LMNA: variants seen among roughly 807,000 people sequenced by gnomAD.
LMNA encodes the protein lamin A/C, also known as lamin.
LMNA carries 20 observed loss-of-function variants against 70.4 expected under a neutral mutation model. That is an observed-to-expected ratio of 0.28 (90% confidence interval 0.20 to 0.41). The LOEUF (loss-of-function observed/expected upper bound fraction) is 0.41. LMNA is among the 10% of genes least tolerant of loss of function. The pLI is 1.00. For synonymous variants in LMNA, 339 were observed against 372.8 expected, an observed-to-expected ratio of 0.91 and a Z score of 1.04; for missense variants, 652 against 917.2, an observed-to-expected ratio of 0.71 and a Z score of 3.73.
At chr1:156,127,509 GTTTTTTTTTTTTTTT>G (rs1170940332) in intron 1 of LMNA, among the ~76,000 whole-genome samples, 3 of 84,492 alleles carry the variant, frequency 3.6e-5, no homozygotes, top group Non-Finnish European at 6.8e-5. Context: ...CCCCCTTACT[GTTTTTTTTTTTTTTT>G]TTTTTTTTTT....
intron 2 of LMNA, among the ~76,000 whole-genome samples, chr1:156,087,273 T>G (rs1393198739): frequency 6.6e-6 from 1 of 151,538 alleles, no homozygotes. Flanking sequence ...GGACAGAGTC[T>G]TGCTCTGTCA....
At chr1:156,130,439 G>A (rs939964187) in intron 1 of LMNA, among the ~76,000 whole-genome samples, 178 bp from the exon 2 acceptor site, 2 of 149,782 alleles carry the variant, frequency 1.3e-5, no homozygotes, top group African/African-American at 5.0e-5. Flanking sequence ...GGACCTTGGG[G>A]AGGTGGGAGC....
intron 2 of LMNA, among the ~76,000 whole-genome samples, chr1:156,131,999 G>C (rs761468770): frequency 6.6e-6 from 1 of 152,140 alleles, no homozygotes; most frequent in Non-Finnish European, 1.5e-5. Flanking sequence ...GTTAAACTCC[G>C]TCTCTACTAA....
Position 156,136,673 on chromosome 1 carries a change from A to G in LMNA, c.1380+237A>G, listed in dbSNP as rs1651666954. 1 of 666,446 alleles carries G rather than the reference A, an allele frequency of 1.5e-6. No individual in the cohort carries two copies. Among genetic ancestry groups the G allele is most frequent in the Admixed American group, 2.2e-5 (1 of 45,660 alleles). The allele number at this position is 666,446 out of a possible 1,614,324, so 41.3% of individuals were successfully genotyped here. On this transcript the variant is annotated intron_variant, in intron 7 of 11. Coordinates refer to ENST00000368300, the MANE Select transcript of LMNA (RefSeq NM_170707.4). This position sits in a 1 kb window ranked among gnomAD's most constrained non-coding sequence, Gnocchi z 6.1. ...CAGTTTCCTCATCTGTAAAATGGGG[A>G]TGAATACTGATCCCTAAGTCTTTGA...
intron 2 of LMNA, 152 bp downstream of exon 2, chr1:156,130,925 G>A: frequency 2.7e-6 from 2 of 744,924 alleles, no homozygotes; most frequent in Non-Finnish European, 4.4e-6. Context: ...ACCCACTGAG[G>A]TCACATCTTA....
At chr1:156,098,766 G>A (rs538006495) in intron 3 of LMNA, among the ~76,000 whole-genome samples, 95 of 152,228 alleles carry the variant, frequency 6.2e-4, no homozygotes, top group African/African-American at 2.2e-3. Context: ...ATGTCTAGTG[G>A]GACTGAGATA....
At chr1:156,097,074 TGAG>T (rs1648964053) in intron 3 of LMNA, among the ~76,000 whole-genome samples, 1 of 152,128 alleles carries the variant, frequency 6.6e-6, no homozygotes, top group Non-Finnish European at 1.5e-5. Context: ...GCTATTCTCT[TGAG>T]GACATGAAAT....
chr1:156,139,818 G>T lies in LMNA; in HGVS notation c.*712G>T. Reference sequence around the variant, plus strand: ...AGGTGGAAGAAGGGAGAAGAAAGGTGAGTTTGAGCTGCCTTCCCTAGCTTT... The same window carrying T: ...AGGTGGAAGAAGGGAGAAGAAAGGTTAGTTTGAGCTGCCTTCCCTAGCTTT... On this transcript the variant is annotated 3_prime_UTR_variant, in exon 12 of 12. Coordinates refer to ENST00000368300, the MANE Select transcript of LMNA (RefSeq NM_170707.4). 6.5e-7 allele frequency: 1 copy of T among 1,529,962 alleles called. No individual in the cohort carries two copies. Among genetic ancestry groups the T allele is most frequent in the African/African-American group, 1.4e-5 (1 of 72,926 alleles). The allele number at this position is 1,529,962 out of a possible 1,614,324, so 94.8% of individuals were successfully genotyped here. A position where few individuals can be genotyped will look rare whatever the true frequency, so the allele number is the denominator to read the frequency against.
At chr1:156,131,846 A>C (rs1161893164) in intron 2 of LMNA, among the ~76,000 whole-genome samples, 3 of 152,176 alleles carry the variant, frequency 2.0e-5, no homozygotes, top group Non-Finnish European at 4.4e-5. Context: ...TTTACTTTCA[A>C]AACACTCTTC....
chr1:156,111,362 G>C (rs1649533595), upstream of LMNA, among the ~76,000 whole-genome samples: 1 of 150,972 alleles, frequency 6.6e-6, no homozygotes, highest in East Asian at 2.0e-4. Context: ...GGCAGGAGAA[G>C]CGCTTGAACC....
At chr1:156,098,708 G>A (rs1217919758) in intron 3 of LMNA, among the ~76,000 whole-genome samples, 2 of 152,154 alleles carry the variant, frequency 1.3e-5, no homozygotes, top group African/African-American at 2.4e-5. Context: ...GAGTACTTGT[G>A]AACTGTGGGG....
chr1:156,108,145 A>C (rs1649418005), intron 3 of LMNA, among the ~76,000 whole-genome samples: 2 of 152,042 alleles, frequency 1.3e-5, no homozygotes, highest in South Asian at 4.1e-4. Context: ...AAATGGGATC[A>C]CCTCCATATA....
rs369480840 is a variant in LMNA at position 156,125,425 on chromosome 1, C to T, written c.357-5192C>T. Among the ~76,000 whole-genome samples the T allele has an allele frequency of 2.7e-4, 41 of 152,202 alleles. No homozygotes were observed. The East Asian group carries it at 7.5e-3, about 28-fold the overall frequency. On this transcript the variant is annotated intron_variant, in intron 1 of 11. Coordinates refer to ENST00000368300, the MANE Select transcript of LMNA (RefSeq NM_170707.4). ...AGGAGGGGCTGGGTGTGGTGGCTCA[C>T]GCCTGTAATCCCAGGACTTTGGGAG...
chr1:156,092,879 T>C (rs959409630), intron 3 of LMNA, among the ~76,000 whole-genome samples: 1 of 150,566 alleles, frequency 6.6e-6, no homozygotes, highest in African/African-American at 2.4e-5. Flanking sequence ...TTTCTTTTCT[T>C]TTCTTTTTTT....
rs58048078 is a variant in LMNA, at chr1:156,134,942, T to C, written c.777T>C (p.Tyr259=). The C allele has an allele frequency of 1.9e-6, 3 of 1,614,014 alleles. No individual in the cohort carries two copies. Among genetic ancestry groups the C allele is most frequent in the Non-Finnish European group, 2.5e-6 (3 of 1,180,018 alleles). The change falls in exon 4 of 12, where the codon TAT becomes TAC. Residue 259 remains tyrosine, a synonymous_variant. Coordinates refer to ENST00000368300, the MANE Select transcript of LMNA (RefSeq NM_170707.4). The surrounding 1 kb of genome is among the most constrained non-coding windows in gnomAD (Gnocchi z 5.3). ...RAQHEDQVEQ[Y]KKELEKTYSA... is the part of the protein sequence containing the mutation. Reference sequence around the variant, plus strand: ...AGCATGAGGACCAGGTGGAGCAGTATAAGAAGGAGCTGGAGAAGACTTATT... The same window carrying C: ...AGCATGAGGACCAGGTGGAGCAGTACAAGAAGGAGCTGGAGAAGACTTATT...
At chr1:156,101,626 G>A (rs1223071685) in intron 3 of LMNA, among the ~76,000 whole-genome samples, 1 of 120,256 alleles carries the variant, frequency 8.3e-6, no homozygotes, top group Non-Finnish European at 1.8e-5. Flanking sequence ...AAGGAAGGAC[G>A]GAAGGAAGGA....
At position 156,115,741 on chromosome 1, in the gene LMNA, C is replaced by A. The variant is rs1037993992; in HGVS notation, c.356+467C>A. 1.3e-5 allele frequency among the ~76,000 whole-genome samples: 2 copies of A among 152,212 alleles called. No individual in the cohort carries two copies. Among genetic ancestry groups the A allele is most frequent in the African/African-American group, 4.8e-5 (2 of 41,458 alleles). ...TAGCTTTGCCCAAGCTGGCTCTGAACACATGATGCCCACTAAGACATAACT... is the reference window on the plus strand; with the variant it reads ...TAGCTTTGCCCAAGCTGGCTCTGAAAACATGATGCCCACTAAGACATAACT... On this transcript the variant is annotated intron_variant, in intron 1 of 11. Transcript: ENST00000368300. This position sits in a 1 kb window ranked among gnomAD's most constrained non-coding sequence, Gnocchi z 5.8.
At chr1:156,093,299 A>AT (rs758670532) in intron 3 of LMNA, among the ~76,000 whole-genome samples, 4,397 of 113,892 alleles carry the variant, frequency 0.039, 498 homozygotes, top group African/African-American at 0.11. Context: ...TTATATGTCA[A>AT]TTTTTTTTTT....
In LMNA at chr1:156,139,562, C is replaced by T; in HGVS notation, c.*456C>T. ...CCGCCAGCCTCCTCTGGACGGCAGG[C>T]TCACTGCCAGGCCAGCCTCCGAGAG... On this transcript the variant is annotated 3_prime_UTR_variant, in exon 12 of 12. Transcript: ENST00000368300. The T allele has an allele frequency of 7.2e-7, 1 of 1,390,988 alleles. No homozygotes were observed. Among genetic ancestry groups the T allele is most frequent in the Non-Finnish European group, 9.3e-7 (1 of 1,077,012 alleles). 86.2% of individuals were successfully genotyped at this position (1,390,988 alleles called of 1,614,324 possible).
Sources: gnomAD v4.1 joint callset for allele counts (sites outside exome capture counted in the v4.1 genomes callset) on GRCh38, gnomAD v4.1.1 for gene constraint, Gnocchi (gnomAD v3.1) non-coding constraint, MANE v1.5 for transcripts, NCBI Gene and HGNC (gene_info 2026-07-23, HGNC 2026-07-21) for gene names.